SMAD1: variants seen among roughly 807,000 people sequenced by gnomAD.
The protein encoded by SMAD1 is SMAD family member 1, also known as MAD, mothers against decapentaplegic homolog 1.
In SMAD1, 6 loss-of-function variants were observed where a neutral mutation model predicts 41.6. The observed-to-expected ratio is 0.14, with a 90% CI of 0.08 to 0.28. The LOEUF is 0.28. Ranked by LOEUF, SMAD1 falls within the 10% of genes least tolerant of loss-of-function variation. SMAD1 has a pLI of 1.00. For missense variants in SMAD1, 379 were observed against 582.6 expected (o/e 0.65, Z 3.60); for synonymous variants, 206 against 203.2 (o/e 1.01, Z -0.12).
chr4:145,552,428 C>T (rs1375052225), intron 5 of SMAD1, among the ~76,000 whole-genome samples: 1 of 152,186 alleles, frequency 6.6e-6, no homozygotes, highest in Non-Finnish European at 1.5e-5. Flanking sequence ...GCTGGGTGAC[C>T]TGTATAAAGT....
intron 6 of SMAD1, among the ~76,000 whole-genome samples, chr4:145,554,983 TTAGATCAA>T (rs1732758694): frequency 6.6e-6 from 1 of 152,206 alleles, no homozygotes; most frequent in Non-Finnish European, 1.5e-5. Flanking sequence ...TAATCATCCC[TTAGATCAA>T]AGATATCTTT....
chr4:145,499,570 A>G (rs1297067745), intron 1 of SMAD1, among the ~76,000 whole-genome samples: 5 of 152,180 alleles, frequency 3.3e-5, no homozygotes, highest in Non-Finnish European at 7.4e-5. Context: ...GCAGTGAGCC[A>G]TGCCACTGCA....
At chr4:145,492,998 C>T (rs529649096) in intron 1 of SMAD1, among the ~76,000 whole-genome samples, 1 of 152,302 alleles carries the variant, frequency 6.6e-6, no homozygotes, top group African/African-American at 2.4e-5. Context: ...AATTTGTCTG[C>T]GTCTTCTGTC....
At chr4:145,549,917 C>T (rs1015935751) in intron 5 of SMAD1, among the ~76,000 whole-genome samples, 2 of 152,244 alleles carry the variant, frequency 1.3e-5, no homozygotes, top group African/African-American at 4.8e-5. Flanking sequence ...TGTATGTAAA[C>T]ACAATTTTGC....
At chr4:145,522,543 G>A (rs1043435834) in intron 2 of SMAD1, among the ~76,000 whole-genome samples, 1 of 152,072 alleles carries the variant, frequency 6.6e-6, no homozygotes, top group African/African-American at 2.4e-5. Context: ...AGGTTGTGGT[G>A]AGCCAAGATT....
chr4:145,510,224 A>G (rs1040606099), intron 1 of SMAD1, among the ~76,000 whole-genome samples: 2 of 152,046 alleles, frequency 1.3e-5, no homozygotes, highest in South Asian at 4.1e-4. Flanking sequence ...TTTTATTAGT[A>G]TTTTCAAAGA....
intron 2 of SMAD1, among the ~76,000 whole-genome samples, chr4:145,522,245 G>C (rs1252695849): frequency 1.3e-5 from 2 of 152,090 alleles, no homozygotes; most frequent in East Asian, 1.9e-4. Context: ...CTTGCAGTGA[G>C]CCGGGATCGC....
intron 4 of SMAD1, 26 bp downstream of exon 4, chr4:145,542,724 T>A: frequency 7.0e-7 from 1 of 1,424,160 alleles, no homozygotes; most frequent in Non-Finnish European, 9.9e-7. Context: ...GCCTGTTCCC[T>A]TTTTTAGAGT....
chr4:145,495,320 C>T (rs1729011426), intron 1 of SMAD1, among the ~76,000 whole-genome samples: 1 of 152,134 alleles, frequency 6.6e-6, no homozygotes, highest in South Asian at 2.1e-4. Flanking sequence ...CTTTATCTTC[C>T]CACTTTCCTT....
chr4:145,481,849 G>A (rs114809646), upstream of SMAD1: 9,615 of 161,344 alleles, frequency 0.06, 437 homozygotes, highest in Middle Eastern at 0.15. Flanking sequence ...ACGCCAGCGC[G>A]ACCAGATCAA....
chr4:145,536,241 A>T (rs1731606995), intron 2 of SMAD1, among the ~76,000 whole-genome samples: 1 of 152,156 alleles, frequency 6.6e-6, no homozygotes, highest in African/African-American at 2.4e-5. Flanking sequence ...ACACGCACAC[A>T]CACAGGGCTT....
intron 2 of SMAD1, among the ~76,000 whole-genome samples, chr4:145,523,071 C>A (rs1009061635): frequency 1.6e-4 from 25 of 152,122 alleles, no homozygotes; most frequent in African/African-American, 6.0e-4. Context: ...GATTAATTAG[C>A]AATAATATTA....
intron 4 of SMAD1, 31 bp downstream of exon 4, chr4:145,542,729 T>C: frequency 7.0e-7 from 1 of 1,429,248 alleles, no homozygotes; most frequent in Non-Finnish European, 9.8e-7. Flanking sequence ...TTCCCTTTTT[T>C]AGAGTCTAAA....
chr4:145,515,286 C>A (rs1344067876), intron 2 of SMAD1, among the ~76,000 whole-genome samples: 1 of 151,960 alleles, frequency 6.6e-6, no homozygotes, highest in Non-Finnish European at 1.5e-5. Context: ...ATTGTCATTG[C>A]AGTACTAATA....
At chr4:145,527,757 G>C (rs915454856) in intron 2 of SMAD1, among the ~76,000 whole-genome samples, 2 of 152,060 alleles carry the variant, frequency 1.3e-5, no homozygotes, top group African/African-American at 4.8e-5. Flanking sequence ...TTTGGTAGTA[G>C]AGAATGTGAT....
chr4:145,500,468 G>A (rs141814152), intron 1 of SMAD1, among the ~76,000 whole-genome samples: 1 of 152,108 alleles, frequency 6.6e-6, no homozygotes, highest in Non-Finnish European at 1.5e-5. Flanking sequence ...GGCTCAAATG[G>A]CTTTTGCAAT....
intron 4 of SMAD1, chr4:145,545,891 TG>T (rs1323935221): frequency 6.6e-6 from 1 of 152,216 alleles, no homozygotes; most frequent in Non-Finnish European, 1.5e-5. Flanking sequence ...TTTAGAACCA[TG>T]TTCTGTTTGG....
intron 1 of SMAD1, among the ~76,000 whole-genome samples, chr4:145,486,672 T>C (rs985096113): frequency 1.3e-5 from 2 of 152,206 alleles, no homozygotes; most frequent in Non-Finnish European, 2.9e-5. Flanking sequence ...TGCCAAGTGC[T>C]TTCATAAACA....
At chr4:145,491,930 T>A (rs1449296508) in intron 1 of SMAD1, among the ~76,000 whole-genome samples, 1 of 152,192 alleles carries the variant, frequency 6.6e-6, no homozygotes, top group Non-Finnish European at 1.5e-5. Context: ...TGGAGTATAG[T>A]TTTGATTATT....
Sources: allele counts gnomAD v4.1 joint callset (sites outside exome capture counted in the v4.1 genomes callset), GRCh38; gene constraint gnomAD v4.1.1; transcripts MANE v1.5; gene names NCBI Gene and HGNC (gene_info 2026-07-23, HGNC 2026-07-21).